The following TCERG1L variants were observed in gnomAD, a reference collection of about 807,000 sequenced individuals.
The protein encoded by TCERG1L is transcription elongation regulator 1 like.
A neutral mutation model predicts 56.3 loss-of-function variants in TCERG1L; 37 were observed. The observed-to-expected ratio is 0.66, with a 90% CI of 0.51 to 0.87. The LOEUF (loss-of-function observed/expected upper bound fraction) is 0.87. Ranked by LOEUF, TCERG1L falls within the 40% of genes least tolerant of loss-of-function variation. The pLI, the probability that TCERG1L is intolerant of heterozygous loss-of-function variation, is 0.00. For missense variants in TCERG1L, 799 were observed against 774.2 expected (o/e 1.03, Z -0.38); for synonymous variants, 324 against 326.3 (o/e 0.99, Z 0.08).
At chr10:131,202,195 T>C (rs2944479) in intron 4 of TCERG1L, among the ~76,000 whole-genome samples, 139,135 of 152,298 alleles carry the variant, frequency 0.91, 63,582 homozygotes, top group East Asian at 0.95. Context: ...GCTCAACTGA[T>C]TGTAACAGCC....
chr10:131,211,458 G>A (rs906344588), intron 4 of TCERG1L, among the ~76,000 whole-genome samples: 11 of 152,280 alleles, frequency 7.2e-5, no homozygotes, highest in Admixed American at 1.3e-4. Context: ...TGCTGTGGCC[G>A]GAGCTAGATG....
chr10:131,255,555 G>T (rs1846157694), intron 4 of TCERG1L, among the ~76,000 whole-genome samples: 1 of 152,234 alleles, frequency 6.6e-6, no homozygotes, highest in Admixed American at 6.5e-5. Flanking sequence ...GGCACTGGGT[G>T]TCTATTGTAT....
intron 4 of TCERG1L, among the ~76,000 whole-genome samples, chr10:131,247,019 C>T (rs1178330134): frequency 2.0e-5 from 3 of 151,986 alleles, no homozygotes; most frequent in South Asian, 2.1e-4. Context: ...ACCGGCGCTG[C>T]GGCACAACAG....
At chr10:131,285,173 T>C (rs1262521842) in intron 3 of TCERG1L, among the ~76,000 whole-genome samples, 2 of 151,576 alleles carry the variant, frequency 1.3e-5, no homozygotes, top group African/African-American at 4.8e-5. Flanking sequence ...AAGTTAGGAG[T>C]TCCAGACCAG....
At chr10:131,209,057 C>CAA (rs10677942) in intron 4 of TCERG1L, among the ~76,000 whole-genome samples, 69,020 of 126,782 alleles carry the variant, frequency 0.54, 18,122 homozygotes, top group East Asian at 0.66. Context: ...GACTCTGTCT[C>CAA]AAAAAAAAAA....
chr10:131,293,944 T>C (rs1162109871), intron 3 of TCERG1L, among the ~76,000 whole-genome samples: 1 of 152,228 alleles, frequency 6.6e-6, no homozygotes, highest in African/African-American at 2.4e-5. Context: ...TCCATCACTG[T>C]CTTTCTGGTT....
intron 4 of TCERG1L, among the ~76,000 whole-genome samples, chr10:131,243,149 T>C (rs1845992205): frequency 6.6e-6 from 1 of 152,134 alleles, no homozygotes; most frequent in African/African-American, 2.4e-5. Context: ...GCCTGCACGA[T>C]AATAACAATC....
At chr10:131,256,226 C>T (rs1846163354) in intron 4 of TCERG1L, among the ~76,000 whole-genome samples, 2 of 152,138 alleles carry the variant, frequency 1.3e-5, no homozygotes, top group African/African-American at 2.4e-5. Context: ...TGTTATAGAA[C>T]CTGCTTCAGC....
intron 3 of TCERG1L, among the ~76,000 whole-genome samples, chr10:131,276,449 A>G (rs570984786): frequency 6.6e-6 from 1 of 152,334 alleles, no homozygotes; most frequent in South Asian, 2.1e-4. Flanking sequence ...GTTTATCATC[A>G]GGCAGCTGTT....
intron 4 of TCERG1L, among the ~76,000 whole-genome samples, chr10:131,169,372 C>T (rs112471829): frequency 1.3e-5 from 2 of 152,146 alleles, no homozygotes; most frequent in Non-Finnish European, 2.9e-5. Context: ...CTGACTGAGG[C>T]ACAAGGGGGC....
intron 7 of TCERG1L, among the ~76,000 whole-genome samples, chr10:131,134,914 G>A (rs866606446): frequency 1.7e-4 from 26 of 152,136 alleles, no homozygotes; most frequent in African/African-American, 5.5e-4. Context: ...AACAGATAAC[G>A]AGATTCCCCT....
chr10:131,309,270 T>C lies in TCERG1L; in HGVS notation c.372A>G (p.Leu124=), dbSNP rs1274047389. ...QWLFGGHSPS[L]GLPPSSTVEL... is the part of the protein sequence containing the mutation. ...CCACTGTGGAAGAGGGGGGCAGTCC[T>C]AGGGACGGAGAATGGCCACCAAACA... is the stretch of plus-strand genomic sequence containing the variant. The change falls in exon 2 of 12, where the codon CTA becomes CTG. Residue 124 remains leucine, a synonymous_variant. Transcript: ENST00000368642. 1 of 1,600,396 alleles carries C rather than the reference T, an allele frequency of 6.2e-7. No individual in the cohort carries two copies. The highest frequency in any genetic ancestry group is 1.8e-5 in the Admixed American group (1 of 56,818).
intron 11 of TCERG1L, among the ~76,000 whole-genome samples, chr10:131,096,862 G>A (rs1282330397): frequency 6.6e-6 from 1 of 150,468 alleles, no homozygotes; most frequent in Non-Finnish European, 1.5e-5. Flanking sequence ...CTCCAGCCTG[G>A]GCAACAGAGC....
At chr10:131,216,478 C>A (rs902244001) in intron 4 of TCERG1L, among the ~76,000 whole-genome samples, 2 of 152,130 alleles carry the variant, frequency 1.3e-5, no homozygotes, top group African/African-American at 2.4e-5. Context: ...TGGGGATAGA[C>A]CTGCTTTGGA....
At chr10:131,108,885 G>C (rs1017000802) in intron 9 of TCERG1L, among the ~76,000 whole-genome samples, 7 of 152,206 alleles carry the variant, frequency 4.6e-5, no homozygotes, top group African/African-American at 1.4e-4. Flanking sequence ...TCTTGGCTCC[G>C]AGCGGCTGCC....
intron 5 of TCERG1L, among the ~76,000 whole-genome samples, chr10:131,166,049 A>ATAC (rs1473631245): frequency 2.0e-5 from 3 of 152,192 alleles, no homozygotes; most frequent in Non-Finnish European, 2.9e-5. Context: ...TTTGTGATCA[A>ATAC]TTTTCACCAC....
chr10:131,124,099 G>A (rs1189637790), intron 8 of TCERG1L, among the ~76,000 whole-genome samples: 1 of 152,086 alleles, frequency 6.6e-6, no homozygotes, highest in Admixed American at 6.5e-5. Flanking sequence ...TCCTTTCCTT[G>A]CCTTGCTGAT....
intron 4 of TCERG1L, among the ~76,000 whole-genome samples, chr10:131,196,865 A>G (rs1196421689): frequency 6.6e-6 from 1 of 152,226 alleles, no homozygotes; most frequent in Non-Finnish European, 1.5e-5. Flanking sequence ...TGCATTGTTG[A>G]TCTCAGCTCT....
At chr10:131,300,370 A>G (rs960444447) in intron 3 of TCERG1L, among the ~76,000 whole-genome samples, 5 of 152,234 alleles carry the variant, frequency 3.3e-5, no homozygotes, top group Middle Eastern at 6.8e-3. Context: ...TCAGTTATAC[A>G]TAAGTTAAAC....
Sources: gnomAD v4.1 joint callset for allele counts (sites outside exome capture counted in the v4.1 genomes callset) on GRCh38, gnomAD v4.1.1 for gene constraint, MANE v1.5 for transcripts, NCBI Gene and HGNC (gene_info 2026-07-23, HGNC 2026-07-21) for gene names.